The following C6 variants were observed in gnomAD, a reference collection of about 807,000 sequenced individuals.
C6 encodes the protein complement C6.
A neutral mutation model predicts 112.9 loss-of-function variants in C6; 101 were observed. The observed-to-expected ratio is 0.89, with a 90% CI of 0.76 to 1.06. The LOEUF (loss-of-function observed/expected upper bound fraction) is 1.06, where lower values mean the gene tolerates loss of function less well. Ranked by LOEUF, C6 falls within the 50% of genes least tolerant of loss-of-function variation. The pLI is 0.00. For synonymous variants in C6, 431 were observed against 384.1 expected, an observed-to-expected ratio of 1.12 and a Z score of -1.43; for missense variants, 1,202 against 1,104.6, an observed-to-expected ratio of 1.09 and a Z score of -1.25.
chr5:41,198,154 C>A (rs1175233051), intron 4 of C6, among the ~76,000 whole-genome samples: 1 of 152,086 alleles, frequency 6.6e-6, no homozygotes, highest in Non-Finnish European at 1.5e-5. Context: ...TCAAAATAAT[C>A]CATTTAGTCT....
At chr5:41,209,101 C>G (rs1325663477) in intron 1 of C6, among the ~76,000 whole-genome samples, 1 of 152,164 alleles carries the variant, frequency 6.6e-6, no homozygotes, top group Admixed American at 6.5e-5. Context: ...ATCATAAAAA[C>G]AGAACCAACG....
intron 1 of C6, among the ~76,000 whole-genome samples, chr5:41,253,846 T>C (rs1720446668): frequency 6.6e-6 from 1 of 152,168 alleles, no homozygotes; most frequent in Non-Finnish European, 1.5e-5. Flanking sequence ...CCTAAAGGTG[T>C]TTTTGAGTTG....
In C6 at chr5:41,147,869, C is replaced by T. The variant is rs145340545; in HGVS notation, c.2623+1372G>A. Among the ~76,000 whole-genome samples, 344 of 152,186 alleles carry T rather than the reference C, an allele frequency of 2.3e-3. 6 individuals carry two copies. In the East Asian group the frequency reaches 0.05, roughly 22 times the overall value. On this transcript the variant is annotated intron_variant, in intron 17 of 17. Coordinates refer to ENST00000337836, the MANE Select transcript of C6 (RefSeq NM_000065.5). Reference sequence around the variant, plus strand: ...TCGAAATAATTCACAACTGTAATGTCTATGGCCAGTAAACTTAGGGAAAAT... The same window carrying T: ...TCGAAATAATTCACAACTGTAATGTTTATGGCCAGTAAACTTAGGGAAAAT...
At chr5:41,165,601 T>C (rs1229543629) in intron 9 of C6, among the ~76,000 whole-genome samples, 1 of 152,166 alleles carries the variant, frequency 6.6e-6, no homozygotes, top group Non-Finnish European at 1.5e-5. Context: ...TTTTACAATT[T>C]CAACTACAAT....
At chr5:41,193,181 T>C (rs1226484550) in intron 5 of C6, among the ~76,000 whole-genome samples, 2 of 152,184 alleles carry the variant, frequency 1.3e-5, no homozygotes, top group Non-Finnish European at 2.9e-5. Flanking sequence ...TATGTACTTA[T>C]GTTTGTCACA....
intron 5 of C6, among the ~76,000 whole-genome samples, chr5:41,188,727 T>C (rs1749974818): frequency 6.6e-6 from 1 of 152,036 alleles, no homozygotes; most frequent in African/African-American, 2.4e-5. Flanking sequence ...CCTTCTTAGA[T>C]ATGACATTAA....
intron 1 of C6, among the ~76,000 whole-genome samples, chr5:41,238,956 G>T (rs1740511721): frequency 6.6e-6 from 1 of 151,884 alleles, no homozygotes; most frequent in South Asian, 2.1e-4. Flanking sequence ...AAATCTAAAA[G>T]TCAACTTCTT....
chr5:41,153,772 C>T, intron 15 of C6, 38 bp downstream of exon 15: 2 of 1,500,716 alleles, frequency 1.3e-6, no homozygotes, highest in South Asian at 1.1e-5. Flanking sequence ...CAGGGTGCAC[C>T]ACCTTATCAG....
At chr5:41,231,119 T>A (rs1181438341) in intron 1 of C6, among the ~76,000 whole-genome samples, 1 of 152,164 alleles carries the variant, frequency 6.6e-6, no homozygotes, top group Admixed American at 6.6e-5. Flanking sequence ...CAGCCTACAG[T>A]TGGATCTTGT....
intron 7 of C6, among the ~76,000 whole-genome samples, chr5:41,177,574 T>A (rs1418518455): frequency 6.6e-6 from 1 of 152,202 alleles, no homozygotes; most frequent in African/African-American, 2.4e-5. Flanking sequence ...AAGGACCATG[T>A]TTTAGCAAAA....
At chr5:41,187,320 T>C (rs1181489276) in intron 5 of C6, among the ~76,000 whole-genome samples, 1 of 152,148 alleles carries the variant, frequency 6.6e-6, no homozygotes, top group Non-Finnish European at 1.5e-5. Context: ...CTTGTACTTC[T>C]ATGGCATTAA....
intron 5 of C6, among the ~76,000 whole-genome samples, chr5:41,187,028 C>A (rs944715841): frequency 6.6e-6 from 1 of 152,094 alleles, no homozygotes; most frequent in Non-Finnish European, 1.5e-5. Context: ...TGCTGTATTA[C>A]ATAGATTATA....
chr5:41,236,613 A>G (rs1332959033), intron 1 of C6, among the ~76,000 whole-genome samples: 1 of 120,794 alleles, frequency 8.3e-6, no homozygotes, highest in African/African-American at 3.3e-5. Context: ...AAGTGCCTAC[A>G]AGAGAAAGCA....
intron 5 of C6, among the ~76,000 whole-genome samples, chr5:41,187,036 A>C (rs1293162849): frequency 1.3e-5 from 2 of 152,204 alleles, no homozygotes; most frequent in Non-Finnish European, 1.5e-5. Flanking sequence ...TACATAGATT[A>C]TAAAAATCGT....
chr5:41,198,695 CT>C (rs1413053436), intron 4 of C6, among the ~76,000 whole-genome samples: 1 of 152,156 alleles, frequency 6.6e-6, no homozygotes, highest in Non-Finnish European at 1.5e-5. Flanking sequence ...CATCTCAAGG[CT>C]TCTCAAACTT....
intron 1 of C6, among the ~76,000 whole-genome samples, chr5:41,239,284 G>A (rs111649834): frequency 1.3e-5 from 2 of 151,502 alleles, no homozygotes; most frequent in Non-Finnish European, 2.9e-5. Context: ...GCTAATTTTT[G>A]TAGTTTTAGT....
At chr5:41,203,404 C>T (rs142226265) in intron 1 of C6, among the ~76,000 whole-genome samples, 154 bp from the exon 2 acceptor site, 249 of 152,258 alleles carry the variant, frequency 1.6e-3, no homozygotes, top group African/African-American at 5.7e-3. Context: ...TTCACATGCT[C>T]GTGAGTACAA....
At chr5:41,203,390 C>T (rs1751187202) in intron 1 of C6, 140 bp from the exon 2 acceptor site, 1 of 761,124 alleles carries the variant, frequency 1.3e-6, no homozygotes, top group Middle Eastern at 3.4e-4. Flanking sequence ...TCAACACCTA[C>T]AAATTCACAT....
intron 7 of C6, 22 bp downstream of exon 7, chr5:41,181,337 G>A (rs768543593): frequency 1.9e-6 from 3 of 1,603,476 alleles, no homozygotes; most frequent in East Asian, 4.5e-5. Flanking sequence ...AAGAATAAAA[G>A]GTTGGAAACC....
Sources: gnomAD v4.1 joint callset for allele counts (sites outside exome capture counted in the v4.1 genomes callset) on GRCh38, gnomAD v4.1.1 for gene constraint, MANE v1.5 for transcripts, NCBI Gene and HGNC (gene_info 2026-07-23, HGNC 2026-07-21) for gene names.